The following CCDC159 variants were observed in gnomAD, a reference collection of about 807,000 sequenced individuals.
CCDC159 encodes coiled-coil domain-containing protein 159.
Under a neutral mutation model 50.9 loss-of-function variants are expected in CCDC159, and 40 were observed. The ratio of observed to expected loss-of-function variants is 0.79; its 90% confidence interval spans 0.61 to 1.02. CCDC159 has a LOEUF of 1.02. Among genes scored for constraint, CCDC159 ranks in the 50% least tolerant of loss-of-function variants. The pLI is 0.00. For synonymous variants in CCDC159, 146 were observed against 138.9 expected (o/e 1.05, Z -0.36); for missense variants, 356 against 371.5 (o/e 0.96, Z 0.34).
Position 11,354,676 on chromosome 19 carries a change from GCGGCCGCTCCTTCC to G in CCDC159, c.871_884del (p.Gly291ThrfsTer11). The stretch of plus-strand genomic sequence containing the variant: ...CTCTCCCAGCCACCTTTCAGCAAGA[GCGGCCGCTCCTTCC>G]CACCCGGTGCAGATCCTCCCCAGTC... On this transcript the variant is annotated frameshift_variant, in exon 10 of 11. Transcript: ENST00000458408. LOFTEE classifies it high-confidence loss of function. 2 of 1,606,614 alleles carry G rather than the reference GCGGCCGCTCCTTCC, an allele frequency of 1.2e-6. No homozygotes were observed. Among genetic ancestry groups the G allele is most frequent in the South Asian group, 2.2e-5 (2 of 90,164 alleles).
chr19:11,346,702 C>A, intron 1 of CCDC159, 75 bp downstream of exon 1: 3 of 1,461,404 alleles, frequency 2.1e-6, no homozygotes, highest in African/African-American at 2.8e-5. Flanking sequence ...AGGATGATGA[C>A]CCCGCCCCCT....
intron 1 of CCDC159, 123 bp downstream of exon 1, chr19:11,346,750 A>C: frequency 8.8e-7 from 1 of 1,139,348 alleles, no homozygotes; most frequent in Non-Finnish European, 1.3e-6. Flanking sequence ...CGGAAGCAGC[A>C]ACCGGGATGG....
At chr19:11,354,849 C>G in intron 10 of CCDC159, 24 bp from the exon 11 acceptor site, 3 of 1,613,344 alleles carry the variant, frequency 1.9e-6, no homozygotes, top group Non-Finnish European at 2.5e-6. Flanking sequence ...TGGCCAGGCC[C>G]TGACCCACCC....
At chr19:11,346,716 T>C (rs894883967) in intron 1 of CCDC159, 89 bp downstream of exon 1, 4 of 1,424,914 alleles carry the variant, frequency 2.8e-6, no homozygotes, top group Non-Finnish European at 3.8e-6. Context: ...GCCCCCTCCC[T>C]AAATAATTCT....
intron 1 of CCDC159, chr19:11,349,033 G>T: frequency 7.5e-7 from 1 of 1,341,272 alleles, no homozygotes; most frequent in East Asian, 4.7e-5. Context: ...CAGAGACCTT[G>T]GGATGCCCTG....
rs949590347 is a variant in CCDC159 at position 11,353,306 on chromosome 19, T to C, written c.568-145T>C. 21 of 780,940 alleles carry C rather than the reference T, an allele frequency of 2.7e-5. No individual in the cohort carries two copies. In the African/African-American group the frequency reaches 3.8e-4, roughly 14 times the overall value. 48.4% of individuals were successfully genotyped at this position (780,940 alleles called of 1,614,324 possible). On this transcript the variant is annotated intron_variant, in intron 7 of 10. Coordinates refer to ENST00000458408, the MANE Select transcript of CCDC159 (RefSeq NM_001080503.3). ...TAGTAGAGATGCGGTTTCACTGTGTTAGCCAGGATGGTCTCAATCTCCTGA... is the reference window on the plus strand; with the variant it reads ...TAGTAGAGATGCGGTTTCACTGTGTCAGCCAGGATGGTCTCAATCTCCTGA...
At chr19:11,347,795 C>A (rs1967339274) in intron 1 of CCDC159, among the ~76,000 whole-genome samples, 1 of 152,194 alleles carries the variant, frequency 6.6e-6, no homozygotes, top group Non-Finnish European at 1.5e-5. Context: ...CAGACCTGCC[C>A]CAGATATCTC....
At position 11,353,447 on chromosome 19, in the gene CCDC159, C is replaced by T; in HGVS notation, c.568-4C>T. The T allele has an allele frequency of 6.4e-7, 1 of 1,567,690 alleles. No homozygotes were observed. ...TGCTGTTCTCTCATCCCTCCCCACC[C>T]CAGATCCTGACCAAGATGAAGCAGC... On this transcript the variant is annotated splice_polypyrimidine_tract_variant and splice_region_variant and intron_variant, in intron 7 of 10. Transcript: ENST00000458408.
intron 7 of CCDC159, chr19:11,352,584 C>A (rs959683475): frequency 1.3e-5 from 2 of 151,596 alleles, no homozygotes; most frequent in Non-Finnish European, 2.9e-5. Context: ...CCACCCTGGG[C>A]GACAAGAGCA....
At position 11,346,533 on chromosome 19, in the gene CCDC159, G is replaced by A. The variant is rs538792560; in HGVS notation, c.-74G>A. 1 of 1,518,410 alleles carries A rather than the reference G, an allele frequency of 6.6e-7. No homozygotes were observed. Among genetic ancestry groups the A allele is most frequent in the Non-Finnish European group, 9.0e-7 (1 of 1,117,056 alleles). 94.1% of individuals were successfully genotyped at this position (1,518,410 alleles called of 1,614,324 possible). On this transcript the variant is annotated 5_prime_UTR_variant, in exon 1 of 11. Transcript: ENST00000458408. ...CCCCTCTCTGTGACTCAGTCTCTGA[G>A]CGTTTTAATACGATGGTGTCCCCGC...
At chr19:11,351,040 G>T (rs1222781581) in intron 5 of CCDC159, 37 bp downstream of exon 5, 1 of 1,497,322 alleles carries the variant, frequency 6.7e-7, no homozygotes. Flanking sequence ...GAGTCCACAG[G>T]AGGGAAGGGA....
chr19:11,349,523 C>T (rs975894434), intron 1 of CCDC159, 131 bp from the exon 2 acceptor site: 28 of 1,189,184 alleles, frequency 2.4e-5, no homozygotes, highest in Non-Finnish European at 3.3e-5. Flanking sequence ...GCAGCTTTGC[C>T]TGCACTTACG....
intron 7 of CCDC159, chr19:11,352,433 C>G (rs993810602): frequency 5.4e-6 from 2 of 367,218 alleles, no homozygotes; most frequent in Non-Finnish European, 1.0e-5. Context: ...TGATGAAACC[C>G]CGTCTATACT....
Position 11,354,641 on chromosome 19 carries a change from T to A in CCDC159, c.834T>A (p.Cys278Ter), listed in dbSNP as rs776111294. Residue 278 changes from cysteine to a stop codon, truncating the protein, a stop_gained, in exon 10 of 11, where the codon TGT becomes TGA. Coordinates refer to ENST00000458408, the MANE Select transcript of CCDC159 (RefSeq NM_001080503.3). LOFTEE classifies it high-confidence loss of function. ...PLPSWDSDSD[C>*]DQDLSQPPFS... ...CCTCCTGGGACTCTGACTCCGACTG[T>A]GACCAGGACCTCTCCCAGCCACCTT... 1 of 1,606,390 alleles carries A rather than the reference T, an allele frequency of 6.2e-7. No individual in the cohort carries two copies. Among genetic ancestry groups the A allele is most frequent in the South Asian group, 1.1e-5 (1 of 89,844 alleles).
At chr19:11,347,941 T>A (rs538478512) in intron 1 of CCDC159, among the ~76,000 whole-genome samples, 1 of 152,226 alleles carries the variant, frequency 6.6e-6, no homozygotes, top group Non-Finnish European at 1.5e-5. Context: ...TGAACAGATA[T>A]GCCCTGCCTC....
chr19:11,346,893 C>G (rs544822528), intron 1 of CCDC159, among the ~76,000 whole-genome samples: 21 of 152,330 alleles, frequency 1.4e-4, no homozygotes, highest in African/African-American at 3.8e-4. Flanking sequence ...AGAGCAAACA[C>G]AGCTCCCCAT....
At chr19:11,350,073 C>T (rs1967485193) in intron 3 of CCDC159, 45 bp from the exon 4 acceptor site, 1 of 1,611,240 alleles carries the variant, frequency 6.2e-7, no homozygotes, top group Non-Finnish European at 8.5e-7. Flanking sequence ...TTCTCCTTGC[C>T]CTCCCCTCCT....
At chr19:11,353,642 G>T in intron 8 of CCDC159, 70 bp downstream of exon 8, 1 of 1,600,052 alleles carries the variant, frequency 6.2e-7, no homozygotes, top group South Asian at 1.1e-5. Context: ...ATCTGGCAGT[G>T]ACCACCAGAA....
Position 11,353,587 on chromosome 19 carries a change from G to A in CCDC159, c.689+15G>A. 2 of 1,610,024 alleles carry A rather than the reference G, an allele frequency of 1.2e-6. No individual in the cohort carries two copies. Among genetic ancestry groups the A allele is most frequent in the South Asian group, 1.1e-5 (1 of 90,922 alleles). On this transcript the variant is annotated intron_variant, in intron 8 of 10. Transcript: ENST00000458408. ...AGTGATATATGGTGATGCCCAGCCT[G>A]CAGTCTGACCCCTGACCCTCCTCTG...
Sources: allele counts gnomAD v4.1 joint callset (sites outside exome capture counted in the v4.1 genomes callset), GRCh38; gene constraint gnomAD v4.1.1; transcripts MANE v1.5; gene names NCBI Gene and HGNC (gene_info 2026-07-23, HGNC 2026-07-21).